The following CPED1 variants were observed in gnomAD, a reference collection of about 807,000 sequenced individuals.
CPED1 encodes cadherin like and PC-esterase domain containing 1.
Under a neutral mutation model 128.2 loss-of-function variants are expected in CPED1, and 114 were observed. The ratio of observed to expected loss-of-function variants is 0.89; its 90% CI spans 0.76 to 1.04. The LOEUF (loss-of-function observed/expected upper bound fraction) is 1.04. CPED1 is among the 50% of genes least tolerant of loss of function. CPED1 has a pLI of 0.00. For synonymous variants in CPED1, 462 were observed against 426.7 expected, an observed-to-expected ratio of 1.08 and a Z score of -1.02; for missense variants, 1,211 against 1,207.1, an observed-to-expected ratio of 1.00 and a Z score of -0.05.
chr7:121,235,405 C>T (rs1798229249), intron 16 of CPED1, among the ~76,000 whole-genome samples: 1 of 152,204 alleles, frequency 6.6e-6, no homozygotes, highest in East Asian at 1.9e-4. Flanking sequence ...ATTTTAAGTT[C>T]ACTCACCCCC....
At chr7:121,212,400 A>G (rs986130655) in intron 16 of CPED1, among the ~76,000 whole-genome samples, 3 of 152,030 alleles carry the variant, frequency 2.0e-5, no homozygotes, top group South Asian at 2.1e-4. Flanking sequence ...GAAAGGATCA[A>G]TTGCTTTAGG....
intron 1 of CPED1, 93 bp from the exon 2 acceptor site, chr7:120,989,297 TA>T (rs1466979891): frequency 6.4e-6 from 2 of 313,678 alleles, no homozygotes; most frequent in Non-Finnish European, 1.2e-5. Context: ...GATGTGAGAA[TA>T]AGGCATTGCT....
At chr7:121,013,531 A>G (rs1562991898) in intron 2 of CPED1, among the ~76,000 whole-genome samples, 1 of 152,194 alleles carries the variant, frequency 6.6e-6, no homozygotes, top group Non-Finnish European at 1.5e-5. Context: ...GTGATATATT[A>G]TTATTAACAT....
chr7:121,097,815 T>C lies in CPED1; in HGVS notation c.733T>C (p.Trp245Arg), dbSNP rs757643305. Reference protein sequence around the residue: ...VKPRVWKPGDWSREQLNETTV... With the variant: ...VKPRVWKPGDRSREQLNETTV... ...GCCACGTGTGTGGAAACCAGGGGAC[T>C]GGAGTCGTGAACAGCTGTAAGCTAA... The change falls in exon 6 of 23, where the codon TGG becomes CGG. Residue 245 changes from tryptophan (W) to arginine (R), a missense_variant. Coordinates refer to ENST00000310396, the MANE Select transcript of CPED1 (RefSeq NM_024913.5). 5 of 1,613,770 alleles carry C rather than the reference T, an allele frequency of 3.1e-6. No individual in the cohort carries two copies. The South Asian group carries it at 3.3e-5, about 11-fold the overall frequency.
At chr7:121,196,159 A>G (rs1797267602) in intron 16 of CPED1, among the ~76,000 whole-genome samples, 1 of 152,024 alleles carries the variant, frequency 6.6e-6, no homozygotes. Flanking sequence ...AGCAGGAAGG[A>G]ATTTTGCTAT....
intron 18 of CPED1, among the ~76,000 whole-genome samples, chr7:121,245,535 T>TA (rs1405572458): frequency 6.6e-6 from 1 of 152,154 alleles, no homozygotes; most frequent in African/African-American, 2.4e-5. Flanking sequence ...AATAGTAACT[T>TA]AATAAATATT....
At chr7:121,219,628 T>C (rs1006902004) in intron 16 of CPED1, among the ~76,000 whole-genome samples, 5 of 152,054 alleles carry the variant, frequency 3.3e-5, no homozygotes, top group Non-Finnish European at 5.9e-5. Context: ...TAGCCACTTT[T>C]CAGCTGATAT....
At chr7:121,272,300 C>T (rs145315072) in intron 22 of CPED1, among the ~76,000 whole-genome samples, 2 of 152,174 alleles carry the variant, frequency 1.3e-5, no homozygotes, top group South Asian at 4.2e-4. Context: ...AGAGTAGAGA[C>T]GGGATGCTAA....
At chr7:121,089,601 GTTA>G (rs1365063507) in intron 5 of CPED1, among the ~76,000 whole-genome samples, 3 of 152,244 alleles carry the variant, frequency 2.0e-5, no homozygotes, top group Admixed American at 1.3e-4. Context: ...GTTCTAGTAA[GTTA>G]TTATTCTGAC....
intron 7 of CPED1, among the ~76,000 whole-genome samples, chr7:121,116,968 A>C (rs553156854): frequency 7.4e-4 from 105 of 142,070 alleles, no homozygotes; most frequent in African/African-American, 2.5e-3. Context: ...CTCTCTATAT[A>C]TATATATATA....
chr7:121,030,306 G>A (rs192464511), intron 3 of CPED1, among the ~76,000 whole-genome samples: 1 of 152,268 alleles, frequency 6.6e-6, no homozygotes, highest in East Asian at 1.9e-4. Context: ...CCTTTATTGA[G>A]TACAGTATTC....
intron 16 of CPED1, among the ~76,000 whole-genome samples, chr7:121,158,224 A>C (rs1796335681): frequency 6.6e-6 from 1 of 152,216 alleles, no homozygotes; most frequent in Non-Finnish European, 1.5e-5. Flanking sequence ...TGTTTGTTAT[A>C]AATTAAACAA....
At chr7:121,204,103 G>A (rs1016964216) in intron 16 of CPED1, among the ~76,000 whole-genome samples, 3 of 152,014 alleles carry the variant, frequency 2.0e-5, no homozygotes, top group African/African-American at 7.2e-5. Context: ...CAAGAGAACT[G>A]CCTACTCTAA....
chr7:121,199,618 A>C (rs1040997555), intron 16 of CPED1, among the ~76,000 whole-genome samples: 2 of 142,614 alleles, frequency 1.4e-5, no homozygotes, highest in African/African-American at 5.2e-5. Flanking sequence ...TAGAGGTTGC[A>C]GTGATCCGAG....
chr7:121,266,537 C>A, intron 19 of CPED1, 90 bp downstream of exon 19: 1 of 1,235,070 alleles, frequency 8.1e-7, no homozygotes, highest in Non-Finnish European at 1.2e-6. Flanking sequence ...CACTGTACAT[C>A]AAATGTGCTC....
chr7:121,245,130 T>G (rs1050601070), intron 18 of CPED1, among the ~76,000 whole-genome samples: 4 of 152,186 alleles, frequency 2.6e-5, no homozygotes, highest in Admixed American at 2.6e-4. Context: ...CACAAAGCTC[T>G]ATTAAAACAC....
chr7:121,244,481 T>C, intron 18 of CPED1, 143 bp downstream of exon 18: 10 of 789,308 alleles, frequency 1.3e-5, no homozygotes, highest in Admixed American at 2.8e-5. Flanking sequence ...TTTTGAATCA[T>C]GTATAGATGT....
chr7:121,048,518 G>GT (rs151168394), intron 4 of CPED1, among the ~76,000 whole-genome samples: 1,965 of 150,820 alleles, frequency 0.013, 46 homozygotes, highest in African/African-American at 0.044. Flanking sequence ...ACCTCTTAAC[G>GT]TTTTTTTTTC....
chr7:121,006,470 A>C (rs1055965590), intron 2 of CPED1, among the ~76,000 whole-genome samples: 1 of 152,014 alleles, frequency 6.6e-6, no homozygotes, highest in Non-Finnish European at 1.5e-5. Flanking sequence ...GTGCTATGTG[A>C]GTGTCTGAGA....
Sources: gnomAD v4.1 joint callset for allele counts (sites outside exome capture counted in the v4.1 genomes callset) on GRCh38, gnomAD v4.1.1 for gene constraint, MANE v1.5 for transcripts, NCBI Gene and HGNC (gene_info 2026-07-23, HGNC 2026-07-21) for gene names.